Variants in TEX15 observed in about 807,000 individuals in gnomAD.
TEX15 encodes testis-expressed protein 15.
Under a neutral mutation model 237.3 loss-of-function variants are expected in TEX15, and 171 were observed. The ratio of observed to expected loss-of-function variants is 0.72; its 90% CI spans 0.64 to 0.82. The LOEUF (loss-of-function observed/expected upper bound fraction) is 0.82. TEX15 is among the 40% of genes least tolerant of loss of function. TEX15 has a pLI of 0.00. For missense variants in TEX15, 3,750 were observed against 3,646.5 expected (o/e 1.03, Z -0.73); for synonymous variants, 1,338 against 1,269.8 (o/e 1.05, Z -1.14).
At position 30,843,267 on chromosome 8, in the gene TEX15, T is replaced by C. The variant is rs560728764; in HGVS notation, c.6900A>G (p.Leu2300=). 5 of 1,612,570 alleles carry C rather than the reference T, an allele frequency of 3.1e-6. No homozygotes were observed. The Admixed American group carries it at 8.4e-5, about 27-fold the overall frequency. The change falls in exon 8 of 11, where the codon CTA becomes CTG. Residue 2300 remains leucine (L), a synonymous_variant. Coordinates refer to ENST00000643185, the MANE Select transcript of TEX15 (RefSeq NM_001350162.2). ...KYSQKKDEER[L]LRVNKCAFSK... ...AAAAGGCACATTTATTCACTCTGAG[T>C]AGCCTTTCTTCGTCCTTCTTTTGTG...
chr8:30,859,898 A>C lies in TEX15; in HGVS notation c.687+13T>G. The C allele has an allele frequency of 7.2e-7, 1 of 1,396,686 alleles. No individual in the cohort carries two copies. 86.5% of individuals were successfully genotyped at this position (1,396,686 alleles called of 1,614,324 possible). A position where few individuals can be genotyped will look rare whatever the true frequency, so the allele number is the denominator to read the frequency against. On this transcript the variant is annotated intron_variant, in intron 6 of 10. Coordinates refer to ENST00000643185, the MANE Select transcript of TEX15 (RefSeq NM_001350162.2). ...ATGTACTTTTCAAGAAATCAAATGA[A>C]CCATTAACATACTGCTGAACTGTAG... is the stretch of plus-strand genomic sequence containing the variant.
chr8:30,840,019 AAAT>A, intron 8 of TEX15, 55 bp from the exon 9 acceptor site: 1 of 1,053,236 alleles, frequency 9.5e-7, no homozygotes, highest in African/African-American at 1.6e-5. Flanking sequence ...ACTATAATAA[AAAT>A]AATTATTATT....
intron 2 of TEX15, among the ~76,000 whole-genome samples, chr8:30,894,921 GAC>G (rs1808864572): frequency 1.3e-5 from 2 of 152,150 alleles, no homozygotes; most frequent in Non-Finnish European, 1.5e-5. Context: ...GCAGCGAAAA[GAC>G]AGCTGTCTGT....
At chr8:30,911,750 G>A (rs1041836646) in intron 1 of TEX15, among the ~76,000 whole-genome samples, 2 of 152,102 alleles carry the variant, frequency 1.3e-5, no homozygotes, top group Non-Finnish European at 2.9e-5. Flanking sequence ...ACTGTCTCCC[G>A]ACACAGCCAG....
In TEX15 at chr8:30,845,123, C is replaced by G; in HGVS notation, c.5044G>C (p.Val1682Leu). Residue 1682 changes from valine to leucine, a missense_variant, in exon 8 of 11, where the codon GTA (valine) becomes CTA (leucine). Physicochemically the swap from Val to Leu is conservative, Grantham distance 32 (BLOSUM62 1). Coordinates refer to ENST00000643185, the MANE Select transcript of TEX15 (RefSeq NM_001350162.2). ...ILSDCKRNLE[V>L]KWTDPIERPK... Reference sequence around the variant, plus strand: ...CTCTCAATAGGATCTGTCCACTTTACTTCCAGGTTTCTTTTACAATCAGAT... The same window carrying G: ...CTCTCAATAGGATCTGTCCACTTTAGTTCCAGGTTTCTTTTACAATCAGAT... The G allele has an allele frequency of 6.2e-7, 1 of 1,613,404 alleles. No individual in the cohort carries two copies. The highest frequency in any genetic ancestry group is 8.5e-7 in the Non-Finnish European group (1 of 1,179,464).
Position 30,837,915 on chromosome 8 carries a change from G to C in TEX15, c.8369C>G (p.Thr2790Ser). The C allele has an allele frequency of 6.2e-7, 1 of 1,614,144 alleles. No individual in the cohort carries two copies. Among genetic ancestry groups the C allele is most frequent in the Non-Finnish European group, 8.5e-7 (1 of 1,180,026 alleles). ...SLLPLENPKDTCASKSESKID... is the reference protein window; with the variant it reads ...SLLPLENPKDSCASKSESKID... The stretch of plus-strand genomic sequence containing the variant: ...TTTGCTTTCCGACTTTGATGCGCAA[G>C]TGTCTTTTGGGTTCTCTAAGGGTAA... The change falls in exon 10 of 11, where the codon ACT (threonine) becomes AGT (serine). Residue 2790 changes from threonine to serine, a missense_variant. Coordinates refer to ENST00000643185, the MANE Select transcript of TEX15 (RefSeq NM_001350162.2).
chr8:30,841,877 T>G (rs1807462395), intron 8 of TEX15, 127 bp downstream of exon 8: 1 of 584,546 alleles, frequency 1.7e-6, no homozygotes. Flanking sequence ...TTATAGTTAG[T>G]AAATTCATTT....
In TEX15 at chr8:30,887,217, T is replaced by C. The variant is rs767608546; in HGVS notation, c.86A>G (p.Asn29Ser). The C allele has an allele frequency of 1.4e-4, 208 of 1,535,812 alleles. 2 individuals carry two copies. In the Middle Eastern group the frequency reaches 2.3e-3, roughly 17 times the overall value. Residue 29 changes from asparagine to serine, a missense_variant, in exon 3 of 11, where the codon AAT becomes AGT. Transcript: ENST00000643185. ...AGGAATGGTGAATTTCTTCAAAGGATTGACTTCACGAGTATTCAACACGGG... is the reference window on the plus strand; with the variant it reads ...AGGAATGGTGAATTTCTTCAAAGGACTGACTTCACGAGTATTCAACACGGG... ...SKPVLNTREVNPLKKFTIPKI... is the reference protein window; with the variant it reads ...SKPVLNTREVSPLKKFTIPKI...
intron 1 of TEX15, among the ~76,000 whole-genome samples, chr8:30,900,845 A>C (rs1399960645): frequency 6.6e-6 from 1 of 152,242 alleles, no homozygotes; most frequent in East Asian, 1.9e-4. Flanking sequence ...TCTACAATTC[A>C]TGGGTGATAT....
At chr8:30,903,185 A>G (rs1809037970) in intron 1 of TEX15, among the ~76,000 whole-genome samples, 1 of 152,178 alleles carries the variant, frequency 6.6e-6, no homozygotes, top group African/African-American at 2.4e-5. Context: ...TATTTCTCTA[A>G]AAATTTGGGG....
At chr8:30,850,102 G>A (rs1245948775) in intron 7 of TEX15, among the ~76,000 whole-genome samples, 2 of 152,130 alleles carry the variant, frequency 1.3e-5, no homozygotes, top group East Asian at 3.9e-4. Context: ...GGAAAGGAAA[G>A]GGGTGTGAGG....
At chr8:30,834,219 A>G (rs1199359778) in intron 10 of TEX15, among the ~76,000 whole-genome samples, 1 of 152,138 alleles carries the variant, frequency 6.6e-6, no homozygotes, top group Non-Finnish European at 1.5e-5. Flanking sequence ...GTCGCCCAGT[A>G]TGGAGTGCAA....
At chr8:30,835,597 T>G (rs1375649172) in intron 10 of TEX15, among the ~76,000 whole-genome samples, 1 of 152,106 alleles carries the variant, frequency 6.6e-6, no homozygotes, top group East Asian at 1.9e-4. Flanking sequence ...CTTGCATTTC[T>G]CCGTATAAGA....
In TEX15 at chr8:30,847,185, T is replaced by G. The variant is rs1433290426; in HGVS notation, c.2982A>C (p.Ala994=). 8.7e-6 allele frequency: 14 copies of G among 1,614,030 alleles called. No homozygotes were observed. The highest frequency in any genetic ancestry group is 1.2e-5 in the Non-Finnish European group (14 of 1,179,874). The change falls in exon 8 of 11, where the codon GCA becomes GCC. Residue 994 remains alanine (A), a synonymous_variant. Coordinates refer to ENST00000643185, the MANE Select transcript of TEX15 (RefSeq NM_001350162.2). ...AIQIASATMP[A]LSLNNDDHQI... is the part of the protein sequence containing the mutation. ...GGTGATCGTCATTATTTAGGCTTAA[T>G]GCAGGCATAGTAGCACTAGCTATCT...
chr8:30,903,689 C>G (rs76857333), intron 1 of TEX15, among the ~76,000 whole-genome samples: 1,979 of 152,212 alleles, frequency 0.013, 46 homozygotes, highest in African/African-American at 0.045. Context: ...TTTTTCAGCC[C>G]AAGCATTAAA....
chr8:30,878,017 CTCT>C (rs928587314), intron 3 of TEX15, among the ~76,000 whole-genome samples: 7 of 151,726 alleles, frequency 4.6e-5, no homozygotes, highest in Middle Eastern at 3.4e-3. Context: ...AATTATTACT[CTCT>C]TCTCCGTATG....
In TEX15 at chr8:30,839,902, CT is replaced by C; in HGVS notation, c.8222+3del. Reference sequence around the variant, plus strand: ...TTCCACATAGGGCTGATGGGAACTCCTACCTTGGATGCTTGAATGTTGCCTT... The same window carrying C: ...TTCCACATAGGGCTGATGGGAACTCCACCTTGGATGCTTGAATGTTGCCTT... On this transcript the variant is annotated splice_donor_region_variant and intron_variant, in intron 9 of 10. Coordinates refer to ENST00000643185, the MANE Select transcript of TEX15 (RefSeq NM_001350162.2). The C allele has an allele frequency of 6.3e-7, 1 of 1,598,888 alleles. No individual in the cohort carries two copies. The highest frequency in any genetic ancestry group is 8.5e-7 in the Non-Finnish European group (1 of 1,172,896).
At chr8:30,835,999 C>T (rs1345293650) in intron 10 of TEX15, among the ~76,000 whole-genome samples, 1 of 152,046 alleles carries the variant, frequency 6.6e-6, no homozygotes, top group Non-Finnish European at 1.5e-5. Flanking sequence ...GTATGTTTCA[C>T]AGTAGATAAT....
Position 30,846,426 on chromosome 8 carries a change from T to C in TEX15, c.3741A>G (p.Thr1247=). ...ISLSFDLSRN[T]DVNHTSENQN... Reference sequence around the variant, plus strand: ...GATTTTCAGACGTATGATTCACATCTGTATTACGACTCAAGTCAAAAGAAA... The same window carrying C: ...GATTTTCAGACGTATGATTCACATCCGTATTACGACTCAAGTCAAAAGAAA... The change falls in exon 8 of 11, where the codon ACA becomes ACG. Residue 1247 remains threonine, a synonymous_variant. Transcript: ENST00000643185. 6.2e-7 allele frequency: 1 copy of C among 1,613,464 alleles called. No individual in the cohort carries two copies. Among genetic ancestry groups the C allele is most frequent in the Non-Finnish European group, 8.5e-7 (1 of 1,179,728 alleles).
Sources: gnomAD v4.1 joint callset for allele counts (sites outside exome capture counted in the v4.1 genomes callset) on GRCh38, gnomAD v4.1.1 for gene constraint, MANE v1.5 for transcripts, NCBI Gene and HGNC (gene_info 2026-07-23, HGNC 2026-07-21) for gene names.